The following CD99 variants were observed in gnomAD, a reference collection of about 807,000 sequenced individuals.
CD99 encodes the protein CD99 antigen.
Under a neutral mutation model 28.4 loss-of-function variants are expected in CD99, and 19 were observed. The observed-to-expected ratio is 0.67, with a 90% CI of 0.47 to 0.98. The LOEUF (loss-of-function observed/expected upper bound fraction) is 0.98. CD99 is among the 50% of genes least tolerant of loss of function. The probability of loss-of-function intolerance (pLI) is 0.00; values close to 1 mark genes in which losing one functional copy is unlikely to be tolerated. For synonymous variants in CD99, 103 were observed against 92.1 expected, an observed-to-expected ratio of 1.12 and a Z score of -0.67; for missense variants, 283 against 248.8, an observed-to-expected ratio of 1.14 and a Z score of -0.92.
chrX:2,704,139 G>A (rs936675519), intron 1 of CD99, among the ~76,000 whole-genome samples: 4 of 152,152 alleles, frequency 2.6e-5, no homozygotes, highest in African/African-American at 4.8e-5. Flanking sequence ...GAGAACTGCC[G>A]GTGTGAGGCG....
At chrX:2,710,788 T>C (rs2048361080) in intron 1 of CD99, among the ~76,000 whole-genome samples, 1 of 151,646 alleles carries the variant, frequency 6.6e-6, no homozygotes, top group African/African-American at 2.4e-5. Flanking sequence ...AAGAGAGTTT[T>C]GAGGAAATTG....
At chrX:2,735,798 A>G (rs1398034384) in intron 8 of CD99, among the ~76,000 whole-genome samples, 1 of 152,140 alleles carries the variant, frequency 6.6e-6, no homozygotes, top group Non-Finnish European at 1.5e-5. Flanking sequence ...TTCTTAAATC[A>G]AAGAATTTGG....
At chrX:2,727,382 A>G (rs781392216) in intron 8 of CD99, 41 of 774,392 alleles carry the variant, frequency 5.3e-5, no homozygotes, top group South Asian at 4.8e-4. Context: ...GCTAACGTGC[A>G]TGCATCACTG....
intron 8 of CD99, among the ~76,000 whole-genome samples, chrX:2,730,929 CAAAAA>C (rs4034603): frequency 4.7e-5 from 5 of 106,196 alleles, no homozygotes; most frequent in Admixed American, 1.0e-4. Context: ...GACTCTGTCT[CAAAAA>C]AAAAAAAAAA....
intron 2 of CD99, among the ~76,000 whole-genome samples, chrX:2,716,290 G>T (rs1353645036): frequency 6.6e-6 from 1 of 152,066 alleles, no homozygotes; most frequent in African/African-American, 2.4e-5. Context: ...GTGCTGGGAT[G>T]ACAGGCATGA....
At chrX:2,739,160 C>T (rs1171464066) in intron 9 of CD99, among the ~76,000 whole-genome samples, 1 of 152,132 alleles carries the variant, frequency 6.6e-6, no homozygotes, top group African/African-American at 2.4e-5. Flanking sequence ...TGAACTACCG[C>T]ACCCAGCCTG....
chrX:2,709,586 A>T (rs759873435), intron 1 of CD99, among the ~76,000 whole-genome samples: 1 of 152,366 alleles, frequency 6.6e-6, no homozygotes, highest in African/African-American at 2.4e-5. Flanking sequence ...ATACACCCAC[A>T]CATACGTGCA....
intron 1 of CD99, among the ~76,000 whole-genome samples, chrX:2,699,255 C>T (rs1295171806): frequency 3.3e-5 from 5 of 150,512 alleles, no homozygotes; most frequent in African/African-American, 7.3e-5. Flanking sequence ...CTGCAACTTC[C>T]GCCTCCCTGG....
chrX:2,718,223 G>A (rs2048829330), intron 3 of CD99, among the ~76,000 whole-genome samples: 1 of 151,092 alleles, frequency 6.6e-6, no homozygotes. Flanking sequence ...GAGCCACCAT[G>A]CACGGCCTGT....
intron 8 of CD99, 188 bp downstream of exon 8, chrX:2,726,561 T>C: frequency 1.5e-6 from 1 of 685,008 alleles, no homozygotes; most frequent in South Asian, 1.5e-5. Context: ...CTGCCTTGTG[T>C]TTTGTTGTGT....
At chrX:2,694,518 G>A (rs768186576) in intron 1 of CD99, among the ~76,000 whole-genome samples, 2 of 72,004 alleles carry the variant, frequency 2.8e-5, no homozygotes, top group East Asian at 7.9e-4. Flanking sequence ...TTGAGAGGCC[G>A]AGGGCCGGTG....
chrX:2,722,570 A>C, intron 5 of CD99, 57 bp from the exon 6 acceptor site: 1 of 1,502,906 alleles, frequency 6.7e-7, no homozygotes, highest in Non-Finnish European at 9.3e-7. Context: ...ATTCTAAGAC[A>C]TGAAGACCCT....
At chrX:2,740,445 A>G (rs1030733404) in intron 9 of CD99, among the ~76,000 whole-genome samples, 2 of 152,174 alleles carry the variant, frequency 1.3e-5, no homozygotes, top group African/African-American at 2.4e-5. Context: ...TTGCAAATCA[A>G]TAAAAACTGC....
At chrX:2,731,977 A>AG (rs1222378034) in intron 8 of CD99, among the ~76,000 whole-genome samples, 1 of 151,812 alleles carries the variant, frequency 6.6e-6, no homozygotes, top group Non-Finnish European at 1.5e-5. Flanking sequence ...ACGTAAAAAA[A>AG]AAAAAATTAG....
intron 1 of CD99, among the ~76,000 whole-genome samples, chrX:2,697,687 TAG>T (rs1374518738): frequency 6.6e-6 from 1 of 152,048 alleles, no homozygotes; most frequent in Non-Finnish European, 1.5e-5. Context: ...CTTGGAGGCA[TAG>T]AGATTTTATA....
At position 2,717,635 on chromosome X, in the gene CD99, C is replaced by A. The variant is rs779616097; in HGVS notation, c.131C>A (p.Pro44His). ...GAAAACAAGAAACCCACTGCAATCC[C>A]CAAGAAACCCAGTGCTGGTGAGAAG... ...DNENKKPTAI[P>H]KKPSAGDDFD... Residue 44 changes from proline to histidine, a missense_variant, in exon 3 of 10, where the codon CCC becomes CAC. By Grantham distance (77) the Pro-to-His change is moderately conservative (BLOSUM62 -2). Coordinates refer to ENST00000381192, the MANE Select transcript of CD99 (RefSeq NM_002414.5). 1 of 1,613,690 alleles carries A rather than the reference C, an allele frequency of 6.2e-7. No individual in the cohort carries two copies. Among genetic ancestry groups the A allele is most frequent in the Admixed American group, 1.7e-5 (1 of 60,008 alleles).
intron 1 of CD99, among the ~76,000 whole-genome samples, chrX:2,704,812 G>T (rs184811247): frequency 1.3e-5 from 2 of 151,420 alleles, no homozygotes; most frequent in Non-Finnish European, 2.9e-5. Flanking sequence ...CTCCACAAGC[G>T]CAGGCCATCC....
intron 8 of CD99, among the ~76,000 whole-genome samples, chrX:2,734,540 C>G (rs1367900899): frequency 1.3e-5 from 2 of 151,918 alleles, no homozygotes; most frequent in South Asian, 2.1e-4. Context: ...CTTCTGACTT[C>G]AGGTGATCTG....
Position 2,692,221 on chromosome X carries a change from G to A in CD99, c.67+794G>A, listed in dbSNP as rs140648876. 6.5e-3 allele frequency: 2,749 copies of A among 424,622 alleles called. 99 individuals are homozygous for A. In the East Asian group the frequency reaches 0.098, roughly 15 times the overall value. 26.3% of individuals were successfully genotyped at this position (424,622 alleles called of 1,614,324 possible). On this transcript the variant is annotated intron_variant, in intron 1 of 9. Transcript: ENST00000381192. ...CGGAAACGGAGACCCTGCCGGATGT[G>A]GTATGTTATAAATTCTTTTTTCATG...
Sources: allele counts gnomAD v4.1 joint callset (sites outside exome capture counted in the v4.1 genomes callset), GRCh38; gene constraint gnomAD v4.1.1; transcripts MANE v1.5; gene names NCBI Gene and HGNC (gene_info 2026-07-23, HGNC 2026-07-21).